WNT3: variants seen among roughly 807,000 people sequenced by gnomAD.
The protein encoded by WNT3 is Wnt family member 3.
Under a neutral mutation model 34.2 loss-of-function variants are expected in WNT3, and 7 were observed. The observed-to-expected ratio is 0.20, with a 90% CI of 0.12 to 0.38. The LOEUF (loss-of-function observed/expected upper bound fraction) is 0.38, where lower values mean the gene tolerates loss of function less well. WNT3 is among the 10% of genes least tolerant of loss of function. The probability of loss-of-function intolerance (pLI) is 1.00; values close to 1 mark genes in which losing one functional copy is unlikely to be tolerated. For synonymous variants in WNT3, 212 were observed against 211.5 expected (o/e 1.00, Z -0.02); for missense variants, 267 against 499.8 (o/e 0.53, Z 4.44).
In WNT3 at chr17:46,799,302, C is replaced by G. The variant is rs116586102; in HGVS notation, c.80+19216G>C. Among the ~76,000 whole-genome samples the G allele has an allele frequency of 8.5e-3, 1,293 of 152,206 alleles. 16 individuals are homozygous for G. Among genetic ancestry groups the G allele is most frequent in the African/African-American group, 0.03 (1,236 of 41,526 alleles). On this transcript the variant is annotated intron_variant, in intron 1 of 4. Transcript: ENST00000225512. ...AGTGTGTGGGATTCCCTGAAGCCAG[C>G]CTTTTCTGTTTTGGAAGGAATTCAG...
intron 1 of WNT3, among the ~76,000 whole-genome samples, chr17:46,812,198 G>C (rs1453551690): frequency 1.3e-5 from 2 of 152,166 alleles, no homozygotes; most frequent in African/African-American, 4.8e-5. Flanking sequence ...ACTGAGAGCA[G>C]GGAATTCCCT....
chr17:46,765,643 G>T (rs775452373), intron 4 of WNT3, among the ~76,000 whole-genome samples: 1 of 152,248 alleles, frequency 6.6e-6, no homozygotes, highest in Non-Finnish European at 1.5e-5. Context: ...GCAGGCTCCC[G>T]TCTTGCCTAG....
intron 1 of WNT3, among the ~76,000 whole-genome samples, chr17:46,789,587 G>C (rs576296833): frequency 2.3e-3 from 187 of 81,418 alleles, no homozygotes; most frequent in African/African-American, 9.1e-3. Flanking sequence ...AGCTTTGAGA[G>C]GTAACCTCTC....
At chr17:46,767,773 G>GTTTTTTTT (rs915033313) in intron 4 of WNT3, among the ~76,000 whole-genome samples, 2 of 150,516 alleles carry the variant, frequency 1.3e-5, no homozygotes, top group African/African-American at 4.9e-5. Flanking sequence ...ACTGAATTTT[G>GTTTTTTTT]TTTTTTTTTG....
chr17:46,785,770 G>A (rs2059498920), intron 1 of WNT3, among the ~76,000 whole-genome samples: 1 of 152,128 alleles, frequency 6.6e-6, no homozygotes, highest in African/African-American at 2.4e-5. Context: ...CTATACCTCA[G>A]TCAGAGGGAA....
intron 1 of WNT3, among the ~76,000 whole-genome samples, chr17:46,802,222 T>C (rs1183522286): frequency 6.6e-6 from 1 of 152,156 alleles, no homozygotes; most frequent in Non-Finnish European, 1.5e-5. Flanking sequence ...TTGAGGTTGG[T>C]TACCCCAAAA....
At chr17:46,784,266 C>A (rs1273829210) in intron 1 of WNT3, among the ~76,000 whole-genome samples, 1 of 152,086 alleles carries the variant, frequency 6.6e-6, no homozygotes, top group Non-Finnish European at 1.5e-5. Context: ...ATGGTGTCCA[C>A]CAAGATGGGA....
intron 1 of WNT3, among the ~76,000 whole-genome samples, chr17:46,811,827 C>T (rs939544209): frequency 2.0e-5 from 3 of 152,134 alleles, no homozygotes; most frequent in South Asian, 2.1e-4. Context: ...CATCCTGGTG[C>T]GCACCTGTAA....
rs775732903 is a variant in WNT3 at position 46,818,571 on chromosome 17, G to A, written c.27C>T (p.Leu9=). The part of the protein sequence containing the change: MEPHLLGL[L]LGLLLGGTRV... The stretch of plus-strand genomic sequence containing the variant: ...TGGTGCCACCGAGCAGGAGGCCGAG[G>A]AGCAGCCCGAGCAGGTGGGGCTCCA... The change falls in exon 1 of 5, where the codon CTC becomes CTT. Residue 9 remains leucine (L), a synonymous_variant. Coordinates refer to ENST00000225512, the MANE Select transcript of WNT3 (RefSeq NM_030753.5). 1.2e-6 allele frequency: 2 copies of A among 1,605,522 alleles called. No individual in the cohort carries two copies. The highest frequency in any genetic ancestry group is 1.7e-6 in the Non-Finnish European group (2 of 1,176,790).
chr17:46,790,093 G>A (rs2083962125), intron 1 of WNT3, among the ~76,000 whole-genome samples: 1 of 152,086 alleles, frequency 6.6e-6, no homozygotes, highest in African/African-American at 2.4e-5. Context: ...TCCATCCCCA[G>A]GCGAGGCAGT....
At chr17:46,795,440 C>T (rs139622645) in intron 1 of WNT3, among the ~76,000 whole-genome samples, 25 of 152,238 alleles carry the variant, frequency 1.6e-4, no homozygotes, top group African/African-American at 5.5e-4. Context: ...GAAGACCAGC[C>T]GGCCCGTGGG....
At chr17:46,772,370 G>T (rs1246736584) in intron 2 of WNT3, among the ~76,000 whole-genome samples, 1 of 152,252 alleles carries the variant, frequency 6.6e-6, no homozygotes, top group Non-Finnish European at 1.5e-5. Flanking sequence ...CGCTCCCAGA[G>T]CCGCTTTCCC....
At position 46,773,795 on chromosome 17, in the gene WNT3, GAT is replaced by G; in HGVS notation, c.193_194del (p.Ile65HisfsTer31). ...TCACGCCCTCGGCCACGCTGGGCAT[GAT>G]CTCGATGTAATTGCGGCAGAAGCGC... The part of the protein sequence containing the change: ...QLRFCRNYIE[I>X]MPSVAEGVKL... On this transcript the variant is annotated frameshift_variant, in exon 2 of 5. Transcript: ENST00000225512. LOFTEE classifies it high-confidence loss of function. 6.2e-7 allele frequency: 1 copy of G among 1,613,598 alleles called. No homozygotes were observed. Among genetic ancestry groups the G allele is most frequent in the Non-Finnish European group, 8.5e-7 (1 of 1,180,020 alleles).
At chr17:46,812,249 G>A (rs943428585) in intron 1 of WNT3, among the ~76,000 whole-genome samples, 18 of 152,178 alleles carry the variant, frequency 1.2e-4, no homozygotes, top group African/African-American at 4.1e-4. Flanking sequence ...TTAGAGCCGG[G>A]ACAGCCAAAG....
chr17:46,777,191 CAG>C (rs1217597428), intron 1 of WNT3, among the ~76,000 whole-genome samples: 1 of 151,890 alleles, frequency 6.6e-6, no homozygotes, highest in Non-Finnish European at 1.5e-5. Context: ...GCTTGGGCGA[CAG>C]AGCGAGACTT....
intron 1 of WNT3, among the ~76,000 whole-genome samples, chr17:46,804,662 T>A (rs749255480): frequency 1.3e-5 from 2 of 152,160 alleles, no homozygotes; most frequent in African/African-American, 2.4e-5. Flanking sequence ...ATGGGTCACC[T>A]GGGAGGAATT....
intron 1 of WNT3, among the ~76,000 whole-genome samples, chr17:46,775,064 A>T (rs1598761358): frequency 1.3e-5 from 2 of 152,322 alleles, no homozygotes; most frequent in South Asian, 4.1e-4. Flanking sequence ...AGAAGACCCC[A>T]TGGGGCAGGG....
At chr17:46,814,652 C>G (rs541895432) in intron 1 of WNT3, among the ~76,000 whole-genome samples, 1 of 152,338 alleles carries the variant, frequency 6.6e-6, no homozygotes, top group African/African-American at 2.4e-5. Flanking sequence ...CCCCAGCCAG[C>G]CCAGCCCCAG....
chr17:46,796,702 G>A (rs1460890033), intron 1 of WNT3, among the ~76,000 whole-genome samples: 2 of 152,214 alleles, frequency 1.3e-5, no homozygotes, highest in Non-Finnish European at 2.9e-5. Flanking sequence ...CAGACAGCCC[G>A]GGTGTCCCCT....
Sources: gnomAD v4.1 joint callset for allele counts (sites outside exome capture counted in the v4.1 genomes callset) on GRCh38, gnomAD v4.1.1 for gene constraint, MANE v1.5 for transcripts, NCBI Gene and HGNC (gene_info 2026-07-23, HGNC 2026-07-21) for gene names.